Variants in SULF1 observed in about 807,000 individuals in gnomAD.
SULF1 encodes extracellular sulfatase Sulf-1.
Under a neutral mutation model 110.5 loss-of-function variants are expected in SULF1, and 46 were observed. That is an observed-to-expected ratio of 0.42 (90% CI 0.33 to 0.53). The LOEUF is 0.53. Among genes scored for constraint, SULF1 ranks in the 20% least tolerant of loss-of-function variants. The pLI is 0.12. For synonymous variants in SULF1, 371 were observed against 387.1 expected, an observed-to-expected ratio of 0.96 and a Z score of 0.49; for missense variants, 941 against 1,094.2, an observed-to-expected ratio of 0.86 and a Z score of 1.98.
chr8:69,599,707 A>G (rs1807634683), intron 8 of SULF1, among the ~76,000 whole-genome samples: 1 of 152,242 alleles, frequency 6.6e-6, no homozygotes, highest in Admixed American at 6.5e-5. Context: ...GAGTTCAAAT[A>G]TAAATAAATA....
chr8:69,528,740 C>G (rs1164236697), intron 3 of SULF1, among the ~76,000 whole-genome samples: 1 of 152,156 alleles, frequency 6.6e-6, no homozygotes, highest in African/African-American at 2.4e-5. Context: ...GACATATTCA[C>G]AGTTGGTCAA....
At chr8:69,584,763 A>G (rs774258497) in intron 6 of SULF1, among the ~76,000 whole-genome samples, 8 of 152,218 alleles carry the variant, frequency 5.3e-5, no homozygotes, top group Non-Finnish European at 1.0e-4. Context: ...CTGAATGCAT[A>G]CCAATTTTAC....
intron 22 of SULF1, among the ~76,000 whole-genome samples, chr8:69,649,271 C>T (rs1354688849): frequency 1.3e-5 from 2 of 152,186 alleles, no homozygotes; most frequent in Admixed American, 1.3e-4. Flanking sequence ...TTCTTTCACT[C>T]ACTTTCTCCA....
At position 69,629,678 on chromosome 8, in the gene SULF1, C is replaced by CG; in HGVS notation, c.2283_2284insG (p.Leu762AlafsTer11). The CG allele has an allele frequency of 6.3e-7, 1 of 1,597,638 alleles. No homozygotes were observed. Among genetic ancestry groups the CG allele is most frequent in the Non-Finnish European group, 8.5e-7 (1 of 1,171,954 alleles). ...ACTGGCAGACAGCCCCGTTCTGGAA[C>CG]CGTAAGTTGCTTGTTCCAAATGCCA... is the stretch of plus-strand genomic sequence containing the variant. On this transcript the variant is annotated frameshift_variant and splice_region_variant, in exon 19 of 23. Transcript: ENST00000402687. LOFTEE classifies it high-confidence loss of function.
At chr8:69,473,268 A>G (rs573125436) in intron 1 of SULF1, 1 of 152,278 alleles carries the variant, frequency 6.6e-6, no homozygotes, top group South Asian at 2.1e-4. Context: ...AACTATGTCT[A>G]CGTTTTCTAA....
At chr8:69,500,380 G>T (rs1316425524) in intron 2 of SULF1, among the ~76,000 whole-genome samples, 1 of 152,110 alleles carries the variant, frequency 6.6e-6, no homozygotes, top group East Asian at 1.9e-4. Context: ...TGTGCTCAAG[G>T]CCACATAGCC....
At chr8:69,601,463 A>G (rs922291047) in intron 9 of SULF1, among the ~76,000 whole-genome samples, 191 bp from the exon 10 acceptor site, 1 of 152,194 alleles carries the variant, frequency 6.6e-6, no homozygotes, top group African/African-American at 2.4e-5. Flanking sequence ...AAAAAGTTAC[A>G]TTTCACCTTT....
At chr8:69,625,672 C>T (rs1352996124) in intron 15 of SULF1, among the ~76,000 whole-genome samples, 1 of 152,224 alleles carries the variant, frequency 6.6e-6, no homozygotes, top group African/African-American at 2.4e-5. Flanking sequence ...AGTGAAGCTA[C>T]AGATCTTCGC....
chr8:69,470,502 A>G (rs1183040889), intron 1 of SULF1, among the ~76,000 whole-genome samples: 1 of 151,948 alleles, frequency 6.6e-6, no homozygotes, highest in Non-Finnish European at 1.5e-5. Flanking sequence ...CCTCTCCCCT[A>G]TAGCCAGTCT....
Position 69,603,223 on chromosome 8 carries a change from G to A in SULF1, c.1093G>A (p.Ala365Thr), listed in dbSNP as rs1807973786. The A allele has an allele frequency of 1.2e-6, 2 of 1,613,952 alleles. No homozygotes were observed. Among genetic ancestry groups the A allele is most frequent in the African/African-American group, 1.3e-5 (1 of 74,878 alleles). The change falls in exon 11 of 23, where the codon GCC (alanine) becomes ACC (threonine). Residue 365 changes from alanine (A) to threonine (T), a missense_variant. By Grantham distance (58) the Ala-to-Thr change is moderately conservative. This residue lies in a region of SULF1 where 822 missense variants were observed against 934.3 expected (regional missense o/e 0.88). Transcript: ENST00000402687. The stretch of plus-strand genomic sequence containing the variant: ...ACAGATCGTTCTCAACATTGACTTG[G>A]CCCCCACGATCCTGGATATTGCTGG... ...VPQIVLNIDL[A>T]PTILDIAGLD...
chr8:69,588,618 C>A (rs556801130), intron 7 of SULF1, among the ~76,000 whole-genome samples: 1 of 152,228 alleles, frequency 6.6e-6, no homozygotes, highest in South Asian at 2.1e-4. Flanking sequence ...ATCAATGAAA[C>A]CTGAGACTGA....
intron 3 of SULF1, among the ~76,000 whole-genome samples, chr8:69,510,995 A>G (rs891096169): frequency 5.4e-5 from 8 of 147,440 alleles, no homozygotes; most frequent in Non-Finnish European, 1.5e-5. Context: ...CATATTGTCA[A>G]TGTATCAGGT....
At chr8:69,657,482 C>T (rs1162625300) in intron 22 of SULF1, among the ~76,000 whole-genome samples, 4 of 152,220 alleles carry the variant, frequency 2.6e-5, no homozygotes, top group Admixed American at 6.5e-5. Context: ...AAAAGATTGA[C>T]GTTCTTTCCA....
intron 3 of SULF1, among the ~76,000 whole-genome samples, chr8:69,520,364 TG>T (rs1039077207): frequency 6.6e-6 from 1 of 152,168 alleles, no homozygotes; most frequent in African/African-American, 2.4e-5. Flanking sequence ...ATGTCAACTC[TG>T]TTGGTTCATT....
At chr8:69,553,052 C>T (rs1281959936) in intron 3 of SULF1, among the ~76,000 whole-genome samples, 1 of 152,176 alleles carries the variant, frequency 6.6e-6, no homozygotes, top group Non-Finnish European at 1.5e-5. Flanking sequence ...TTTAAGATCC[C>T]TTTCAGACTC....
chr8:69,479,774 A>G (rs1438854204), intron 1 of SULF1, among the ~76,000 whole-genome samples: 2 of 152,192 alleles, frequency 1.3e-5, no homozygotes, highest in African/African-American at 4.8e-5. Flanking sequence ...TAAAATCACA[A>G]AACTCATTCT....
chr8:69,622,251 G>A (rs1276872543), intron 14 of SULF1, among the ~76,000 whole-genome samples: 1 of 152,076 alleles, frequency 6.6e-6, no homozygotes, highest in African/African-American at 2.4e-5. Flanking sequence ...AAAAATTCCA[G>A]GTCTAATAAC....
chr8:69,655,203 G>T (rs1812631741), intron 22 of SULF1, among the ~76,000 whole-genome samples: 2 of 152,260 alleles, frequency 1.3e-5, no homozygotes, highest in South Asian at 4.1e-4. Context: ...AGGGGAATCT[G>T]CCCCATAGCC....
chr8:69,598,684 G>A (rs979914393), intron 8 of SULF1, among the ~76,000 whole-genome samples: 4 of 152,174 alleles, frequency 2.6e-5, no homozygotes, highest in African/African-American at 9.7e-5. Flanking sequence ...GAGCCACCAT[G>A]GCTGGCCCAA....
Sources: gnomAD v4.1 joint callset for allele counts (sites outside exome capture counted in the v4.1 genomes callset) on GRCh38, gnomAD v4.1.1 for gene constraint, gnomAD v4.1.1 regional missense constraint, MANE v1.5 for transcripts, NCBI Gene and HGNC (gene_info 2026-07-23, HGNC 2026-07-21) for gene names.